The following ANKS1B variants were observed in gnomAD, a reference collection of about 807,000 sequenced individuals.
The protein encoded by ANKS1B is ankyrin repeat and sterile alpha motif domain containing 1B, also known as ankyrin repeat and sterile alpha motif domain-containing protein 1B.
Under a neutral mutation model 148.3 loss-of-function variants are expected in ANKS1B, and 36 were observed. That is an observed-to-expected ratio of 0.24 (90% CI 0.19 to 0.32). The LOEUF (loss-of-function observed/expected upper bound fraction) is 0.32, where lower values mean the gene tolerates loss of function less well. Ranked by LOEUF, ANKS1B falls within the 10% of genes least tolerant of loss-of-function variation. ANKS1B has a pLI of 1.00. For synonymous variants in ANKS1B, 542 were observed against 560.8 expected, an observed-to-expected ratio of 0.97 and a Z score of 0.47; for missense variants, 1,157 against 1,542.6, an observed-to-expected ratio of 0.75 and a Z score of 4.19.
intron 15 of ANKS1B, among the ~76,000 whole-genome samples, chr12:99,097,665 T>A (rs1002819478): frequency 6.6e-6 from 1 of 152,168 alleles, no homozygotes; most frequent in Non-Finnish European, 1.5e-5. Flanking sequence ...GTAATAGAGT[T>A]GTGTTTGTCT....
chr12:99,770,862 A>G (rs1012466688), intron 8 of ANKS1B, among the ~76,000 whole-genome samples: 1 of 152,116 alleles, frequency 6.6e-6, no homozygotes, highest in African/African-American at 2.4e-5. Context: ...AATATTTTAT[A>G]GGGAAATATT....
intron 25 of ANKS1B, among the ~76,000 whole-genome samples, chr12:98,765,701 T>G (rs1327365010): frequency 6.6e-6 from 1 of 151,764 alleles, no homozygotes; most frequent in East Asian, 1.9e-4. Flanking sequence ...GTTCAAGCAG[T>G]TCTCCTGCCT....
chr12:99,087,646 GT>G (rs2052391142), intron 15 of ANKS1B, among the ~76,000 whole-genome samples: 1 of 152,190 alleles, frequency 6.6e-6, no homozygotes, highest in South Asian at 2.1e-4. Flanking sequence ...TCTTTGAGGA[GT>G]TACCTGGCCC....
intron 8 of ANKS1B, among the ~76,000 whole-genome samples, chr12:99,746,602 C>CA (rs112099401): frequency 0.011 from 1,669 of 152,078 alleles, 41 homozygotes; most frequent in African/African-American, 0.037. Context: ...ATCAGTGCAA[C>CA]AAAAAATATG....
chr12:99,446,260 T>C (rs966356995), intron 10 of ANKS1B, among the ~76,000 whole-genome samples: 5 of 151,986 alleles, frequency 3.3e-5, no homozygotes, highest in African/African-American at 1.2e-4. Flanking sequence ...CAGTTGAAGC[T>C]GTTATTTCAT....
At position 99,887,131 on chromosome 12, in the gene ANKS1B, A is replaced by T. The variant is rs75457734; in HGVS notation, c.135-61742T>A. Among the ~76,000 whole-genome samples, 65 of 152,318 alleles carry T rather than the reference A, an allele frequency of 4.3e-4. No individual in the cohort carries two copies. The East Asian group carries it at 9.1e-3, about 21-fold the overall frequency. ...CCTCCTTGATGGGTCAGTAACTGAA[A>T]CAGTGAAAGGCTCAATGAAGATCGC... On this transcript the variant is annotated intron_variant, in intron 1 of 26. Transcript: ENST00000683438.
intron 14 of ANKS1B, among the ~76,000 whole-genome samples, chr12:99,187,418 A>T (rs529518239): frequency 6.6e-6 from 1 of 152,290 alleles, no homozygotes; most frequent in African/African-American, 2.4e-5. Flanking sequence ...AATGAAGGAA[A>T]AAATGTTAAG....
At chr12:99,844,647 T>C (rs1316213826) in intron 1 of ANKS1B, among the ~76,000 whole-genome samples, 1 of 152,206 alleles carries the variant, frequency 6.6e-6, no homozygotes, top group Non-Finnish European at 1.5e-5. Context: ...AGTCTTATAG[T>C]ACAGTTTGAT....
chr12:99,733,246 C>T (rs1405620371), intron 8 of ANKS1B, among the ~76,000 whole-genome samples: 3 of 152,190 alleles, frequency 2.0e-5, no homozygotes, highest in Non-Finnish European at 4.4e-5. Flanking sequence ...TTAGCTTGCA[C>T]TTGAACTCCT....
chr12:99,376,078 A>C (rs1470505183), intron 12 of ANKS1B, among the ~76,000 whole-genome samples: 1 of 152,226 alleles, frequency 6.6e-6, no homozygotes, highest in East Asian at 1.9e-4. Flanking sequence ...TGAATTATCA[A>C]ACCATTCGCT....
intron 12 of ANKS1B, among the ~76,000 whole-genome samples, chr12:99,298,600 T>C (rs1385220711): frequency 6.6e-6 from 1 of 152,204 alleles, no homozygotes; most frequent in Non-Finnish European, 1.5e-5. Flanking sequence ...AATATGCATG[T>C]CCTTACTTTA....
chr12:99,760,040 A>AC (rs2061938033), intron 8 of ANKS1B, among the ~76,000 whole-genome samples: 1 of 151,974 alleles, frequency 6.6e-6, no homozygotes, highest in South Asian at 2.1e-4. Flanking sequence ...AGTTCAAAAC[A>AC]TAAAAATTAA....
chr12:99,621,986 A>C (rs941985396), intron 9 of ANKS1B, among the ~76,000 whole-genome samples: 16 of 152,126 alleles, frequency 1.1e-4, no homozygotes, highest in African/African-American at 3.9e-4. Flanking sequence ...TTACTCCAAG[A>C]TCAACCACAT....
At chr12:98,741,088 A>T (rs1771052801), downstream of ANKS1B, among the ~76,000 whole-genome samples, 1 of 152,118 alleles carries the variant, frequency 6.6e-6, no homozygotes, top group South Asian at 2.1e-4. Context: ...CATGAGGGAA[A>T]ATTCAACCCC....
At chr12:99,096,486 T>C (rs1307522879) in intron 15 of ANKS1B, among the ~76,000 whole-genome samples, 1 of 152,142 alleles carries the variant, frequency 6.6e-6, no homozygotes, top group Non-Finnish European at 1.5e-5. Context: ...GAGGAGATGA[T>C]CGCTGTGGGC....
chr12:99,764,765 A>T (rs758408828), intron 8 of ANKS1B, among the ~76,000 whole-genome samples: 2 of 152,184 alleles, frequency 1.3e-5, no homozygotes, highest in Non-Finnish European at 2.9e-5. Flanking sequence ...CTAAGACATT[A>T]CTAGCAGATA....
chr12:98,742,265 A>C (rs898105402), downstream of ANKS1B, among the ~76,000 whole-genome samples: 3 of 151,656 alleles, frequency 2.0e-5, no homozygotes, highest in Non-Finnish European at 4.4e-5. Flanking sequence ...CAAATGAAGG[A>C]TGTCTTATTT....
intron 17 of ANKS1B, among the ~76,000 whole-genome samples, chr12:99,037,590 T>C (rs181901760): frequency 2.3e-4 from 35 of 152,342 alleles, no homozygotes; most frequent in Admixed American, 2.3e-3. Flanking sequence ...GGCAGATGAT[T>C]GTAGAATACA....
At chr12:98,910,974 A>T (rs975389499) in intron 17 of ANKS1B, among the ~76,000 whole-genome samples, 3 of 152,212 alleles carry the variant, frequency 2.0e-5, no homozygotes, top group Non-Finnish European at 4.4e-5. Context: ...AAGTCTTAAA[A>T]CACAGAGGTA....
Sources: allele counts gnomAD v4.1 joint callset (sites outside exome capture counted in the v4.1 genomes callset), GRCh38; gene constraint gnomAD v4.1.1; transcripts MANE v1.5; gene names NCBI Gene and HGNC (gene_info 2026-07-23, HGNC 2026-07-21).